TYK2: variants seen among roughly 807,000 people sequenced by gnomAD.
TYK2 encodes the protein tyrosine kinase 2.
In TYK2, 65 loss-of-function variants were observed where a neutral mutation model predicts 130.9. The ratio of observed to expected loss-of-function variants is 0.50; its 90% CI spans 0.41 to 0.61. The LOEUF (loss-of-function observed/expected upper bound fraction) is 0.61. Ranked by LOEUF, TYK2 falls within the 20% of genes least tolerant of loss-of-function variation. The pLI is 0.00. For missense variants in TYK2, 1,378 were observed against 1,610.7 expected, an observed-to-expected ratio of 0.86 and a Z score of 2.47; for synonymous variants, 647 against 658.9, an observed-to-expected ratio of 0.98 and a Z score of 0.28.
chr19:10,367,932 AAG>A, intron 5 of TYK2, 121 bp downstream of exon 5: 1 of 1,168,082 alleles, frequency 8.6e-7, no homozygotes, highest in Non-Finnish European at 1.2e-6. Flanking sequence ...AAAAAAAAAA[AAG>A]ATCCCCAGAT....
intron 23 of TYK2, among the ~76,000 whole-genome samples, chr19:10,351,965 C>G (rs370306214): frequency 6.6e-6 from 1 of 151,630 alleles, no homozygotes; most frequent in East Asian, 1.9e-4. Context: ...GTCTCGATCT[C>G]CTGACCTCGT....
At chr19:10,360,608 G>T (rs2041352875) in intron 14 of TYK2, among the ~76,000 whole-genome samples, 1 of 151,774 alleles carries the variant, frequency 6.6e-6, no homozygotes, top group Admixed American at 6.6e-5. Flanking sequence ...GAGATGTTTG[G>T]GTACCAGAGT....
At position 10,353,315 on chromosome 19, in the gene TYK2, A is replaced by G; in HGVS notation, c.3027+213T>C. The G allele has an allele frequency of 1.8e-6, 1 of 568,876 alleles. No homozygotes were observed. Among genetic ancestry groups the G allele is most frequent in the Non-Finnish European group, 3.0e-6 (1 of 331,554 alleles). 35.2% of individuals were successfully genotyped at this position (568,876 alleles called of 1,614,324 possible). ...ACGAGCAAAGCTGGGCAGGAGGGCG[A>G]GTTGGGAGGGGCCGAGCCGGCTGTG... On this transcript the variant is annotated intron_variant, in intron 21 of 24. Transcript: ENST00000525621. The surrounding 1 kb of genome is among the most constrained non-coding windows in gnomAD (Gnocchi z 6.9).
Position 10,351,037 on chromosome 19 carries a change from C to T in TYK2, c.3429+15G>A, listed in dbSNP as rs1321326361. ...GCAGGATAGTGGGGTCAGGGAAAGA[C>T]AAAGGAAGTCTCACCTCACAGGGAC... On this transcript the variant is annotated intron_variant, in intron 24 of 24. Transcript: ENST00000525621. 3 of 1,614,150 alleles carry T rather than the reference C, an allele frequency of 1.9e-6. No individual in the cohort carries two copies. The highest frequency in any genetic ancestry group is 3.3e-5 in the Admixed American group (2 of 60,002).
rs2092852194 is a variant in TYK2, at chr19:10,379,735, T to C, written c.-141A>G. On this transcript the variant is annotated 5_prime_UTR_variant, in exon 2 of 25. Coordinates refer to ENST00000525621, the MANE Select transcript of TYK2 (RefSeq NM_003331.5). ...GGGTGTTGCCATCAAAAGATGGTTGTAATGTTTCAATATAGTTCCGCATAT... is the reference window on the plus strand; with the variant it reads ...GGGTGTTGCCATCAAAAGATGGTTGCAATGTTTCAATATAGTTCCGCATAT... 6.6e-6 allele frequency: 1 copy of C among 152,272 alleles called. No individual in the cohort carries two copies. The highest frequency in any genetic ancestry group is 1.5e-5 in the Non-Finnish European group (1 of 68,028). The allele number at this position is 152,272 out of a possible 1,614,324, so 9.4% of individuals were successfully genotyped here.
chr19:10,359,062 AAAAC>A, intron 15 of TYK2, 109 bp downstream of exon 15: 1 of 1,429,088 alleles, frequency 7.0e-7, no homozygotes, highest in Non-Finnish European at 9.5e-7. Flanking sequence ...AACTCCACCT[AAAAC>A]AAAACAAACA....
rs766377146 is a variant in TYK2 at position 10,350,833 on chromosome 19, C to T, written c.*1G>A. 6.2e-7 allele frequency: 1 copy of T among 1,613,232 alleles called. No individual in the cohort carries two copies. ...CTCCCAGGCAGGGCTGCCATTGTGC[C>T]TCAGCACACGCTGAACACTGAAGGG... is the stretch of plus-strand genomic sequence containing the variant. On this transcript the variant is annotated 3_prime_UTR_variant, in exon 25 of 25. Transcript: ENST00000525621.
chr19:10,362,617 G>C lies in TYK2; in HGVS notation c.1408C>G (p.Leu470Val). The C allele has an allele frequency of 3.9e-6, 6 of 1,552,478 alleles. 1 individual carries two copies. The South Asian group carries it at 5.9e-5, about 15-fold the overall frequency. ...CTGGTGCTCCAGTGAATGAGGTACA[G>C]GCCGTCCTCGGGCCGCAGCTTGGCC... is the stretch of plus-strand genomic sequence containing the variant. The part of the protein sequence containing the change: ...VQAKLRPEDG[L>V]YLIHWSTSHP... The change falls in exon 10 of 25, where the codon CTG (leucine) becomes GTG (valine). Residue 470 changes from leucine to valine, a missense_variant. Leu to Val is a conservative substitution (Grantham distance 32). Coordinates refer to ENST00000525621, the MANE Select transcript of TYK2 (RefSeq NM_003331.5).
At chr19:10,374,703 T>C (rs1176650449) in intron 3 of TYK2, among the ~76,000 whole-genome samples, 1 of 142,744 alleles carries the variant, frequency 7.0e-6, no homozygotes, top group Non-Finnish European at 1.5e-5. Flanking sequence ...ACCAACATGG[T>C]GAAACCCCGT....
chr19:10,354,086 T>C lies in TYK2; in HGVS notation c.2864A>G (p.Tyr955Cys). ...CTTGTACTTGATGATGTGCTCGTGGTAGAGCGTGCGCAGAATGTCAATCTC... is the reference window on the plus strand; with the variant it reads ...CTTGTACTTGATGATGTGCTCGTGGCAGAGCGTGCGCAGAATGTCAATCTC... ...KQEIDILRTL[Y>C]HEHIIKYKGC... Residue 955 changes from tyrosine to cysteine, a missense_variant, in exon 20 of 25, where the codon TAC becomes TGC. By Grantham distance (194) the Tyr-to-Cys change is radical (BLOSUM62 -2). Coordinates refer to ENST00000525621, the MANE Select transcript of TYK2 (RefSeq NM_003331.5). 1 of 1,614,082 alleles carries C rather than the reference T, an allele frequency of 6.2e-7. No individual in the cohort carries two copies. Among genetic ancestry groups the C allele is most frequent in the Non-Finnish European group, 8.5e-7 (1 of 1,180,024 alleles).
rs1312905226 is a variant in TYK2 at position 10,368,142 on chromosome 19, C to T, written c.378G>A (p.Gly126=). ...CTGAGGATGCCTCGGTTCCTGGGGG[C>T]CCACAACGGTACACAGCCGGTTCCC... is the stretch of plus-strand genomic sequence containing the variant. ...NPREPAVYRC[G]PPGTEASSDQ... The change falls in exon 5 of 25, where the codon GGG becomes GGA. Residue 126 remains glycine (G), a synonymous_variant. Transcript: ENST00000525621. The T allele has an allele frequency of 3.7e-6, 6 of 1,613,924 alleles. No individual in the cohort carries two copies. Among genetic ancestry groups the T allele is most frequent in the Non-Finnish European group, 5.1e-6 (6 of 1,180,006 alleles).
rs2040934042 is a variant in TYK2 at position 10,353,733 on chromosome 19, G to A, written c.2909-87C>T. On this transcript the variant is annotated intron_variant, in intron 20 of 24. Transcript: ENST00000525621. This position sits in a 1 kb window ranked among gnomAD's most constrained non-coding sequence, Gnocchi z 6.9. ...CTTGAGCCCAGCAGAGCCCCTCCAA[G>A]GTCGGGAGGGAAGGCCAAGACCCGC... is the stretch of plus-strand genomic sequence containing the variant. 1 of 1,056,776 alleles carries A rather than the reference G, an allele frequency of 9.5e-7. No individual in the cohort carries two copies. The highest frequency in any genetic ancestry group is 1.3e-6 in the Non-Finnish European group (1 of 747,894). 65.5% of individuals were successfully genotyped at this position (1,056,776 alleles called of 1,614,324 possible).
Position 10,368,428 on chromosome 19 carries a change from G to A in TYK2, c.194-10C>T. ...CAAGGAGGAGTGATACCTGGATCAGGTGAGAAACGAGGTCAGGAGTCACGT... is the reference window on the plus strand; with the variant it reads ...CAAGGAGGAGTGATACCTGGATCAGATGAGAAACGAGGTCAGGAGTCACGT... On this transcript the variant is annotated splice_polypyrimidine_tract_variant and intron_variant, in intron 3 of 24. Coordinates refer to ENST00000525621, the MANE Select transcript of TYK2 (RefSeq NM_003331.5). 1 of 1,614,136 alleles carries A rather than the reference G, an allele frequency of 6.2e-7. No homozygotes were observed. The highest frequency in any genetic ancestry group is 8.5e-7 in the Non-Finnish European group (1 of 1,180,012).
intron 23 of TYK2, 34 bp from the exon 24 acceptor site, chr19:10,351,196 G>A: frequency 3.2e-6 from 5 of 1,564,374 alleles, no homozygotes; most frequent in South Asian, 1.1e-5. Flanking sequence ...CTTTTCAAGA[G>A]GCAATGAAAG....
intron 2 of TYK2, 160 bp from the exon 3 acceptor site, chr19:10,378,586 C>T: frequency 1.6e-6 from 1 of 631,240 alleles, no homozygotes; most frequent in Non-Finnish European, 2.8e-6. Flanking sequence ...GTCTCGTTTT[C>T]CACATTTATT....
rs775719808 is a variant in TYK2, at chr19:10,359,214, C to A, written c.2136G>T (p.Met712Ile). 1 of 1,608,260 alleles carries A rather than the reference C, an allele frequency of 6.2e-7. No individual in the cohort carries two copies. Among genetic ancestry groups the A allele is most frequent in the Non-Finnish European group, 8.5e-7 (1 of 1,179,900 alleles). The change falls in exon 15 of 25, where the codon ATG becomes ATT. Residue 712 changes from methionine to isoleucine, a missense_variant. Transcript: ENST00000525621. ...ERGHVPMAWK[M>I]VVAQQLASAL... is the part of the protein sequence containing the mutation. ...CGCTGGCCAGCTGCTGGGCCACCAC[C>A]ATCTTCCAAGCCATGGGCACATGGC... is the stretch of plus-strand genomic sequence containing the variant.
chr19:10,374,927 G>T (rs1461227923), intron 3 of TYK2, among the ~76,000 whole-genome samples: 1 of 151,884 alleles, frequency 6.6e-6, no homozygotes, highest in South Asian at 2.1e-4. Context: ...GATGGCTCAT[G>T]CCTCCCAACA....
Position 10,358,030 on chromosome 19 carries a change from C to A in TYK2, c.2284G>T (p.Val762Leu). 6.2e-7 allele frequency: 1 copy of A among 1,613,520 alleles called. No individual in the cohort carries two copies. The highest frequency in any genetic ancestry group is 8.5e-7 in the Non-Finnish European group (1 of 1,180,024). Reference sequence around the variant, plus strand: ...TCCCTGGAGAGGGCGCCCAGGCCCACGCCAGGATCACTCAGCTTGATGAAG... The same window carrying A: ...TCCCTGGAGAGGGCGCCCAGGCCCAAGCCAGGATCACTCAGCTTGATGAAG... ...SPFIKLSDPGVGLGALSREER... is the reference protein window; with the variant it reads ...SPFIKLSDPGLGLGALSREER... Residue 762 changes from valine to leucine, a missense_variant, in exon 16 of 25, where the codon GTG becomes TTG. By Grantham distance (32) the Val-to-Leu change is conservative. Transcript: ENST00000525621.
Position 10,361,692 on chromosome 19 carries a change from A to G in TYK2, c.1959+78T>C, listed in dbSNP as rs558798780. 30 of 1,517,134 alleles carry G rather than the reference A, an allele frequency of 2.0e-5. No individual in the cohort carries two copies. Among genetic ancestry groups the G allele is most frequent in the Non-Finnish European group, 2.5e-5 (28 of 1,116,114 alleles). 94.0% of individuals were successfully genotyped at this position (1,517,134 alleles called of 1,614,324 possible). On this transcript the variant is annotated intron_variant, in intron 13 of 24. Coordinates refer to ENST00000525621, the MANE Select transcript of TYK2 (RefSeq NM_003331.5). This position sits in a 1 kb window ranked among gnomAD's most constrained non-coding sequence, Gnocchi z 4.0. The stretch of plus-strand genomic sequence containing the variant: ...ACCCCTCCCATCCCACCTCCTCCAC[A>G]GACACACCCCTCCCATCCCACCTCC...
Sources: gnomAD v4.1 joint callset for allele counts (sites outside exome capture counted in the v4.1 genomes callset) on GRCh38, gnomAD v4.1.1 for gene constraint, Gnocchi (gnomAD v3.1) non-coding constraint, MANE v1.5 for transcripts, NCBI Gene and HGNC (gene_info 2026-07-23, HGNC 2026-07-21) for gene names.